Variants in ZNF169 observed in about 807,000 individuals in gnomAD.
ZNF169 encodes zinc finger protein 169.
In ZNF169, 11 loss-of-function variants were observed where a neutral mutation model predicts 12.0. That is an observed-to-expected ratio of 0.92 (90% CI 0.58 to 1.52). The LOEUF is 1.52. ZNF169 is among the 40% of genes most tolerant of loss of function. ZNF169 has a pLI of 0.00. For missense variants in ZNF169, 722 were observed against 744.0 expected, an observed-to-expected ratio of 0.97 and a Z score of 0.34; for synonymous variants, 302 against 286.5, an observed-to-expected ratio of 1.05 and a Z score of -0.55.
chr9:94,285,174 G>A (rs576729460), intron 2 of ZNF169, among the ~76,000 whole-genome samples: 1 of 152,236 alleles, frequency 6.6e-6, no homozygotes, highest in South Asian at 2.1e-4. Flanking sequence ...TGGAAAACTG[G>A]ATATCCACAG....
chr9:94,274,204 A>C (rs536146605), intron 1 of ZNF169, among the ~76,000 whole-genome samples: 4 of 152,242 alleles, frequency 2.6e-5, no homozygotes, highest in Non-Finnish European at 4.4e-5. Context: ...ATTTTTACTT[A>C]GTTATCTCTT....
intron 4 of ZNF169, 51 bp downstream of exon 4, chr9:94,293,120 G>C (rs145473698): frequency 1.3e-6 from 2 of 1,519,236 alleles, no homozygotes; most frequent in Non-Finnish European, 1.8e-6. Context: ...GAGGAGCTCA[G>C]CAGGTAAGGA....
intron 1 of ZNF169, among the ~76,000 whole-genome samples, chr9:94,263,926 T>C (rs1361087705): frequency 1.3e-5 from 2 of 152,184 alleles, no homozygotes; most frequent in African/African-American, 4.8e-5. Context: ...TTTATATTTT[T>C]AGTGCCTGCT....
intron 2 of ZNF169, among the ~76,000 whole-genome samples, chr9:94,285,948 T>G (rs929356424): frequency 2.0e-5 from 3 of 150,366 alleles, no homozygotes; most frequent in African/African-American, 7.4e-5. Context: ...GAGGCGGAGG[T>G]TGCAGTGAGC....
At chr9:94,283,403 A>G (rs1248242004) in intron 2 of ZNF169, among the ~76,000 whole-genome samples, 2 of 152,072 alleles carry the variant, frequency 1.3e-5, no homozygotes, top group Non-Finnish European at 2.9e-5. Flanking sequence ...GCAAGACTCC[A>G]TCTCTAAATA....
chr9:94,292,413 A>AG lies in ZNF169; in HGVS notation c.108dup (p.Thr37AspfsTer52). 6.2e-7 allele frequency: 1 copy of AG among 1,614,174 alleles called. No homozygotes were observed. The highest frequency in any genetic ancestry group is 1.1e-5 in the South Asian group (1 of 91,088). On this transcript the variant is annotated frameshift_variant, in exon 3 of 5. Coordinates refer to ENST00000395395, the MANE Select transcript of ZNF169 (RefSeq NM_194320.4). LOFTEE classifies it high-confidence loss of function. The stretch of plus-strand genomic sequence containing the variant: ...GTGGAAGCTATTGAGTTCTGCTCAG[A>AG]GGACCCTGTACAGGGAGGTGATGCT...
At chr9:94,275,095 G>C (rs1047376243) in intron 1 of ZNF169, among the ~76,000 whole-genome samples, 10 of 152,118 alleles carry the variant, frequency 6.6e-5, no homozygotes, top group Non-Finnish European at 1.5e-5. Flanking sequence ...AAAATAGCCA[G>C]GCATGGTGGC....
chr9:94,295,958 C>A (rs1214218611), intron 4 of ZNF169: 1 of 152,198 alleles, frequency 6.6e-6, no homozygotes, highest in African/African-American at 2.4e-5. Context: ...AAGAAACTCA[C>A]AAACTGCTTT....
At chr9:94,283,364 C>T (rs566529981) in intron 2 of ZNF169, among the ~76,000 whole-genome samples, 2 of 152,202 alleles carry the variant, frequency 1.3e-5, no homozygotes, top group South Asian at 2.1e-4. Flanking sequence ...GCTGAGATCA[C>T]GCCACTGTAC....
chr9:94,270,736 AT>A (rs371785922), intron 1 of ZNF169, among the ~76,000 whole-genome samples: 2 of 16,980 alleles, frequency 1.2e-4, no homozygotes, highest in East Asian at 0.011. Context: ...ATATTATATA[AT>A]TAATGTATTT....
intron 1 of ZNF169, among the ~76,000 whole-genome samples, chr9:94,264,092 T>C (rs751780413): frequency 6.6e-6 from 1 of 152,196 alleles, no homozygotes; most frequent in Non-Finnish European, 1.5e-5. Context: ...AATCTTCATA[T>C]GCTGTCAATC....
intron 1 of ZNF169, among the ~76,000 whole-genome samples, chr9:94,275,823 C>G (rs1259071227): frequency 6.6e-6 from 1 of 151,110 alleles, no homozygotes; most frequent in Non-Finnish European, 1.5e-5. Flanking sequence ...TCACTGTCAC[C>G]CAGGCTGGAG....
chr9:94,301,457 T>C lies in ZNF169; in HGVS notation c.*87T>C, dbSNP rs1831077982. The C allele has an allele frequency of 9.0e-6, 13 of 1,448,692 alleles. No individual in the cohort carries two copies. The highest frequency in any genetic ancestry group is 1.2e-5 in the Non-Finnish European group (13 of 1,097,700). 89.7% of individuals were successfully genotyped at this position (1,448,692 alleles called of 1,614,324 possible). On this transcript the variant is annotated 3_prime_UTR_variant, in exon 5 of 5. Coordinates refer to ENST00000395395, the MANE Select transcript of ZNF169 (RefSeq NM_194320.4). The stretch of plus-strand genomic sequence containing the variant: ...GAAATGGAATGGAAAAAAAAAAATG[T>C]TGCTTTCTTTCATCGATCATGAGAT...
At chr9:94,296,899 T>C (rs985748826) in intron 4 of ZNF169, 16 of 444,270 alleles carry the variant, frequency 3.6e-5, no homozygotes, top group African/African-American at 1.8e-4. Context: ...CAAAAAAAAC[T>C]AGCCGAGTGT....
intron 1 of ZNF169, among the ~76,000 whole-genome samples, chr9:94,267,446 A>C (rs1008838071): frequency 6.6e-6 from 1 of 152,244 alleles, no homozygotes; most frequent in East Asian, 1.9e-4. Context: ...AAGAAAACAG[A>C]TTCTTATTGC....
chr9:94,301,247 C>T lies in ZNF169; in HGVS notation c.1689C>T (p.Thr563=). 1 of 1,605,470 alleles carries T rather than the reference C, an allele frequency of 6.2e-7. No individual in the cohort carries two copies. The highest frequency in any genetic ancestry group is 1.1e-5 in the South Asian group (1 of 89,380). The change falls in exon 5 of 5, where the codon ACC becomes ACT. Residue 563 remains threonine, a synonymous_variant. Transcript: ENST00000395395. ...FKSALIRHQR[T]HSGEKPYVCR... is the part of the protein sequence containing the mutation. ...CTGCCCTCATCCGACATCAGCGGAC[C>T]CATTCTGGGGAGAAGCCGTATGTCT...
At chr9:94,269,629 T>C (rs1024965058) in intron 1 of ZNF169, among the ~76,000 whole-genome samples, 2 of 152,188 alleles carry the variant, frequency 1.3e-5, no homozygotes, top group Non-Finnish European at 1.5e-5. Context: ...CTATTTCTTG[T>C]GGCCCAATAA....
intron 1 of ZNF169, among the ~76,000 whole-genome samples, chr9:94,270,737 T>TATTATATATTATA (rs1262184587): frequency 1.6e-4 from 5 of 32,060 alleles, no homozygotes; most frequent in East Asian, 1.2e-3. Context: ...TATTATATAA[T>TATTATATATTATA]TAATGTATTT....
At chr9:94,261,824 A>G (rs950549767) in intron 1 of ZNF169, among the ~76,000 whole-genome samples, 1 of 152,254 alleles carries the variant, frequency 6.6e-6, no homozygotes, top group South Asian at 2.1e-4. Flanking sequence ...TTTCATCTGT[A>G]AATGGCAAAA....
Sources: gnomAD v4.1 joint callset for allele counts (sites outside exome capture counted in the v4.1 genomes callset) on GRCh38, gnomAD v4.1.1 for gene constraint, MANE v1.5 for transcripts, NCBI Gene and HGNC (gene_info 2026-07-23, HGNC 2026-07-21) for gene names.